The following SCAPER variants were observed in gnomAD, a reference collection of about 807,000 sequenced individuals.
The protein encoded by SCAPER is S phase cyclin A-associated protein in the endoplasmic reticulum.
SCAPER carries 98 observed loss-of-function variants against 182.2 expected under a neutral mutation model. The observed-to-expected ratio is 0.54, with a 90% CI of 0.46 to 0.64. The LOEUF (loss-of-function observed/expected upper bound fraction) is 0.64. Among genes scored for constraint, SCAPER ranks in the 30% least tolerant of loss-of-function variants. SCAPER has a pLI of 0.00. For missense variants in SCAPER, 1,432 were observed against 1,690.0 expected, an observed-to-expected ratio of 0.85 and a Z score of 2.68; for synonymous variants, 605 against 564.6, an observed-to-expected ratio of 1.07 and a Z score of -1.01.
chr15:76,351,077 G>A (rs1177829369), intron 31 of SCAPER, 160 bp downstream of exon 31: 3 of 547,320 alleles, frequency 5.5e-6, no homozygotes, highest in East Asian at 3.2e-5. Context: ...TGACAAAATC[G>A]ATTTCTTTAC....
intron 23 of SCAPER, among the ~76,000 whole-genome samples, chr15:76,548,257 A>T (rs1051217789): frequency 2.0e-5 from 3 of 152,190 alleles, no homozygotes; most frequent in African/African-American, 7.2e-5. Context: ...TTCTAAACAG[A>T]ACATTAGAAT....
chr15:76,543,819 G>A lies in SCAPER; in HGVS notation c.2838+30339C>T, dbSNP rs76204555. On this transcript the variant is annotated intron_variant, in intron 23 of 31. Transcript: ENST00000563290. ...GATATGACACCAAAACCATCAGCAA[G>A]CAAAATGAAAAACAGATAAACTGAC... Among the ~76,000 whole-genome samples the A allele has an allele frequency of 9.0e-3, 1,372 of 152,178 alleles. 22 individuals are homozygous for A. The highest frequency in any genetic ancestry group is 0.032 in the African/African-American group (1,333 of 41,520).
At chr15:76,675,453 A>C (rs2057313857) in intron 20 of SCAPER, among the ~76,000 whole-genome samples, 1 of 152,204 alleles carries the variant, frequency 6.6e-6, no homozygotes, top group African/African-American at 2.4e-5. Flanking sequence ...AAGAGGTGAT[A>C]TATTTGTATT....
chr15:76,831,925 C>A (rs1568281868), intron 5 of SCAPER, among the ~76,000 whole-genome samples: 1 of 152,056 alleles, frequency 6.6e-6, no homozygotes, highest in East Asian at 1.9e-4. Flanking sequence ...ACTGACTAAA[C>A]CCAAATTATA....
intron 25 of SCAPER, among the ~76,000 whole-genome samples, chr15:76,466,548 T>C (rs1043902740): frequency 1.3e-5 from 2 of 150,916 alleles, no homozygotes; most frequent in Admixed American, 1.3e-4. Flanking sequence ...GTCAGGTAAT[T>C]CATGTCTTTG....
intron 27 of SCAPER, among the ~76,000 whole-genome samples, chr15:76,387,062 T>C (rs2043338207): frequency 6.6e-6 from 1 of 152,186 alleles, no homozygotes; most frequent in African/African-American, 2.4e-5. Flanking sequence ...ATGGTAGCCA[T>C]GGATGTGGGA....
intron 5 of SCAPER, among the ~76,000 whole-genome samples, chr15:76,828,972 G>A (rs773620294): frequency 9.2e-5 from 14 of 152,126 alleles, no homozygotes; most frequent in African/African-American, 2.7e-4. Flanking sequence ...CAAAGGAAAC[G>A]AAGTCCTTGT....
chr15:76,454,588 A>G (rs2048592930), intron 25 of SCAPER, among the ~76,000 whole-genome samples: 1 of 152,166 alleles, frequency 6.6e-6, no homozygotes, highest in Non-Finnish European at 1.5e-5. Flanking sequence ...CACACTTTGT[A>G]AAAATATCTC....
chr15:76,793,825 G>C (rs994834685), intron 8 of SCAPER, among the ~76,000 whole-genome samples: 3 of 152,242 alleles, frequency 2.0e-5, no homozygotes, highest in Non-Finnish European at 4.4e-5. Flanking sequence ...AATAACCTGA[G>C]GCTTGTTACT....
chr15:76,769,545 A>G (rs2063331305), intron 10 of SCAPER, among the ~76,000 whole-genome samples: 1 of 152,176 alleles, frequency 6.6e-6, no homozygotes, highest in African/African-American at 2.4e-5. Flanking sequence ...ACATTTGTGC[A>G]GCCAACAGAC....
At chr15:76,629,994 G>T (rs2052950260) in intron 21 of SCAPER, among the ~76,000 whole-genome samples, 1 of 152,132 alleles carries the variant, frequency 6.6e-6, no homozygotes, top group Non-Finnish European at 1.5e-5. Flanking sequence ...TCTTGGGAGG[G>T]TGTTTATGTC....
chr15:76,865,515 G>A (rs868705901), intron 2 of SCAPER, among the ~76,000 whole-genome samples: 1 of 152,060 alleles, frequency 6.6e-6, no homozygotes, highest in East Asian at 1.9e-4. Flanking sequence ...TCGTCATAAA[G>A]GAGAACAAAG....
chr15:76,808,766 A>C (rs1171470159), intron 5 of SCAPER, among the ~76,000 whole-genome samples: 1 of 152,188 alleles, frequency 6.6e-6, no homozygotes, highest in African/African-American at 2.4e-5. Flanking sequence ...CCTATCTCCA[A>C]GAGCATATAG....
Position 76,665,793 on chromosome 15 carries a change from C to A in SCAPER, c.2509-4G>T. ...ACTTCTTCAAGGAAAGATGCTCCTG[C>A]AAGATAAATAAATAAAATAATAATA... On this transcript the variant is annotated splice_polypyrimidine_tract_variant and splice_region_variant and intron_variant, in intron 20 of 31. Coordinates refer to ENST00000563290, the MANE Select transcript of SCAPER (RefSeq NM_020843.4). 2 of 1,498,494 alleles carry A rather than the reference C, an allele frequency of 1.3e-6. No individual in the cohort carries two copies. Among genetic ancestry groups the A allele is most frequent in the Non-Finnish European group, 1.8e-6 (2 of 1,127,166 alleles). The allele number at this position is 1,498,494 out of a possible 1,614,324, so 92.8% of individuals were successfully genotyped here. A position where few individuals can be genotyped will look rare whatever the true frequency, so the allele number is the denominator to read the frequency against.
At chr15:76,901,599 C>T (rs149519429) in intron 1 of SCAPER, among the ~76,000 whole-genome samples, 8 of 152,196 alleles carry the variant, frequency 5.3e-5, no homozygotes, top group East Asian at 3.9e-4. Flanking sequence ...TTCTCTTTTG[C>T]GTATGTTTCA....
At chr15:76,904,610 G>A (rs1346458371) in intron 1 of SCAPER, 3 of 152,272 alleles carry the variant, frequency 2.0e-5, no homozygotes, top group East Asian at 3.9e-4. Flanking sequence ...TCCCACGAAC[G>A]CGCCTGGAAA....
intron 23 of SCAPER, among the ~76,000 whole-genome samples, chr15:76,563,319 T>C (rs1439983704): frequency 6.6e-6 from 1 of 152,080 alleles, no homozygotes; most frequent in Non-Finnish European, 1.5e-5. Context: ...CCAAAAATAG[T>C]TAGTTTACAT....
intron 25 of SCAPER, among the ~76,000 whole-genome samples, chr15:76,443,108 A>C (rs1435470134): frequency 6.6e-6 from 1 of 152,210 alleles, no homozygotes; most frequent in African/African-American, 2.4e-5. Context: ...GGAGAAAATC[A>C]GAGACTCCCA....
intron 8 of SCAPER, among the ~76,000 whole-genome samples, chr15:76,779,597 A>T (rs1289254229): frequency 6.6e-6 from 1 of 152,186 alleles, no homozygotes; most frequent in Non-Finnish European, 1.5e-5. Flanking sequence ...TTCTCTGGCA[A>T]ATTCAACTAA....
Sources: gnomAD v4.1 joint callset for allele counts (sites outside exome capture counted in the v4.1 genomes callset) on GRCh38, gnomAD v4.1.1 for gene constraint, MANE v1.5 for transcripts, NCBI Gene and HGNC (gene_info 2026-07-23, HGNC 2026-07-21) for gene names.